The following ACSM2B variants were observed in gnomAD, a reference collection of about 807,000 sequenced individuals.
ACSM2B encodes the protein acyl-coenzyme A synthetase ACSM2B, mitochondrial.
In ACSM2B, 58 loss-of-function variants were observed where a neutral mutation model predicts 78.6. The observed-to-expected ratio is 0.74, with a 90% confidence interval of 0.60 to 0.92. The LOEUF (loss-of-function observed/expected upper bound fraction) is 0.92, where lower values mean the gene tolerates loss of function less well. ACSM2B is among the 40% of genes least tolerant of loss of function. ACSM2B has a pLI of 0.00. For missense variants in ACSM2B, 688 were observed against 711.2 expected (o/e 0.97, Z 0.37); for synonymous variants, 257 against 256.8 (o/e 1.00, Z -0.01).
chr16:20,541,216 A>ACAGGGCACG (rs2014978737), intron 12 of ACSM2B: 1 of 163,942 alleles, frequency 6.1e-6, no homozygotes, highest in South Asian at 1.6e-4. Flanking sequence ...AGCTGGGCAC[A>ACAGGGCACG]CAGGGTTTTC....
chr16:20,545,955 C>T (rs13338397), intron 9 of ACSM2B, among the ~76,000 whole-genome samples: 2,886 of 152,072 alleles, frequency 0.019, 92 homozygotes, highest in African/African-American at 0.067. Context: ...TCCCTTGGTC[C>T]GATAAAAGGC....
chr16:20,552,004 C>T, intron 6 of ACSM2B, 140 bp downstream of exon 6: 1 of 1,406,656 alleles, frequency 7.1e-7, no homozygotes, highest in African/African-American at 1.4e-5. Context: ...GGACCATTTC[C>T]ATCTCGTTTA....
At chr16:20,572,032 T>A (rs2016105795) in intron 1 of ACSM2B, among the ~76,000 whole-genome samples, 1 of 150,306 alleles carries the variant, frequency 6.7e-6, no homozygotes, top group African/African-American at 2.4e-5. Context: ...AATGCAATTC[T>A]GTATCTTTTA....
At chr16:20,570,071 A>G (rs2016052290) in intron 1 of ACSM2B, among the ~76,000 whole-genome samples, 1 of 151,706 alleles carries the variant, frequency 6.6e-6, no homozygotes, top group Admixed American at 6.6e-5. Flanking sequence ...TGTCTGATTG[A>G]TCTGGCTAGG....
intron 12 of ACSM2B, chr16:20,542,095 T>C (rs946459144): frequency 2.6e-5 from 4 of 151,902 alleles, no homozygotes; most frequent in African/African-American, 9.7e-5. Context: ...AATTTGTGTG[T>C]GTTGAGAACA....
chr16:20,572,706 G>T (rs1424703626), intron 1 of ACSM2B, among the ~76,000 whole-genome samples: 1 of 151,634 alleles, frequency 6.6e-6, no homozygotes, highest in Non-Finnish European at 1.5e-5. Flanking sequence ...TCTCAAGGAT[G>T]CCAATTATTC....
chr16:20,555,882 G>A (rs935359450), intron 3 of ACSM2B, among the ~76,000 whole-genome samples: 3 of 152,042 alleles, frequency 2.0e-5, no homozygotes, highest in Admixed American at 2.0e-4. Context: ...AACACCAATA[G>A]CTCTAGGTCC....
chr16:20,548,421 C>T lies in ACSM2B; in HGVS notation c.947G>A (p.Arg316Gln), dbSNP rs149635560. ...KSMMGAPIVY[R>Q]MLLQQDLSSY... ...GGAAAGATCCTGCTGTAGCAACATC[C>T]GGTAAACAATAGGGGCACCCATCAT... Residue 316 changes from arginine (R) to glutamine (Q), a missense_variant, in exon 7 of 14, where the codon CGG (arginine) becomes CAG (glutamine). Transcript: ENST00000329697. 2.6e-5 allele frequency: 42 copies of T among 1,613,624 alleles called. No homozygotes were observed. Among genetic ancestry groups the T allele is most frequent in the Middle Eastern group, 1.7e-4 (1 of 6,056 alleles).
At chr16:20,554,528 A>T (rs57508577) in intron 4 of ACSM2B, among the ~76,000 whole-genome samples, 15,395 of 152,210 alleles carry the variant, frequency 0.1, 1,637 homozygotes, top group African/African-American at 0.26. Flanking sequence ...CAAGTTTCCT[A>T]TCATATGTGC....
intron 2 of ACSM2B, among the ~76,000 whole-genome samples, chr16:20,559,690 G>A (rs1422143611): frequency 6.7e-6 from 1 of 149,792 alleles, no homozygotes; most frequent in Admixed American, 6.6e-5. Flanking sequence ...AGAAATAACT[G>A]TAATAAACCC....
At chr16:20,558,626 T>C (rs537144305) in intron 3 of ACSM2B, among the ~76,000 whole-genome samples, 1 of 152,232 alleles carries the variant, frequency 6.6e-6, no homozygotes, top group Non-Finnish European at 1.5e-5. Context: ...TCAGCTCAAA[T>C]ATCACTTCCA....
chr16:20,554,163 T>C (rs1156617302), intron 4 of ACSM2B: 1 of 668,522 alleles, frequency 1.5e-6, no homozygotes, highest in Middle Eastern at 2.5e-4. Flanking sequence ...AACTTCTCTG[T>C]GTCTCACTTT....
intron 1 of ACSM2B, among the ~76,000 whole-genome samples, chr16:20,566,275 ATATATATAT>A (rs2015835741): frequency 7.4e-6 from 1 of 134,472 alleles, no homozygotes; most frequent in Non-Finnish European, 1.6e-5. Flanking sequence ...ATATATATAT[ATATATATAT>A]AGACAGATAT....
intron 2 of ACSM2B, 104 bp downstream of exon 2, chr16:20,564,565 G>C: frequency 4.7e-6 from 7 of 1,479,086 alleles, no homozygotes; most frequent in Non-Finnish European, 6.3e-6. Flanking sequence ...TTATTACAGT[G>C]CCTTACATGT....
chr16:20,555,582 G>C, intron 3 of ACSM2B, 106 bp from the exon 4 acceptor site: 1 of 1,544,804 alleles, frequency 6.5e-7, no homozygotes, highest in South Asian at 1.3e-5. Context: ...GGAGAGGATG[G>C]GGAAGTAATG....
intron 8 of ACSM2B, 116 bp downstream of exon 8, chr16:20,547,946 A>G: frequency 6.4e-7 from 1 of 1,551,312 alleles, no homozygotes; most frequent in Admixed American, 2.0e-5. Context: ...ACAGAGGCTC[A>G]ATAAATATTT....
At chr16:20,562,080 A>C (rs1341690294) in intron 2 of ACSM2B, among the ~76,000 whole-genome samples, 1 of 151,912 alleles carries the variant, frequency 6.6e-6, no homozygotes, top group Non-Finnish European at 1.5e-5. Context: ...AGTTACTGTG[A>C]ACATGAGTGT....
rs547455125 is a variant in ACSM2B at position 20,562,162 on chromosome 16, C to G, written c.177+2507G>C. ...ACCCAGAGTTGGAATTGCTGAATGG[C>G]AATTCTATTTTTTAATTTTTTGAGA... On this transcript the variant is annotated intron_variant, in intron 2 of 13. Coordinates refer to ENST00000329697, the MANE Select transcript of ACSM2B (RefSeq NM_001105069.2). 4.8e-4 allele frequency among the ~76,000 whole-genome samples: 73 copies of G among 151,856 alleles called. No individual in the cohort carries two copies. In the Middle Eastern group the frequency reaches 0.017, roughly 35 times the overall value.
At chr16:20,567,365 ATTATATAAT>A (rs2152147107) in intron 1 of ACSM2B, among the ~76,000 whole-genome samples, 1 of 116,990 alleles carries the variant, frequency 8.5e-6, no homozygotes, top group East Asian at 2.1e-4. Context: ...TATATTATAT[ATTATATAAT>A]ATATAGTATA....
Sources: gnomAD v4.1 joint callset for allele counts (sites outside exome capture counted in the v4.1 genomes callset) on GRCh38, gnomAD v4.1.1 for gene constraint, MANE v1.5 for transcripts, NCBI Gene and HGNC (gene_info 2026-07-23, HGNC 2026-07-21) for gene names.